The following OSCP1 variants were observed in gnomAD, a reference collection of about 807,000 sequenced individuals.
OSCP1 encodes the protein protein OSCP1.
OSCP1 carries 35 observed loss-of-function variants against 45.1 expected under a neutral mutation model. The ratio of observed to expected loss-of-function variants is 0.78; its 90% CI spans 0.59 to 1.03. The LOEUF (loss-of-function observed/expected upper bound fraction) is 1.03, where lower values mean the gene tolerates loss of function less well. Among genes scored for constraint, OSCP1 ranks in the 50% least tolerant of loss-of-function variants. OSCP1 has a pLI of 0.00. For synonymous variants in OSCP1, 179 were observed against 180.1 expected (o/e 0.99, Z 0.05); for missense variants, 400 against 470.7 (o/e 0.85, Z 1.39).
At chr1:36,418,679 G>A in intron 9 of OSCP1, 1 of 348,300 alleles carries the variant, frequency 2.9e-6, no homozygotes. Flanking sequence ...CACTTTGGGA[G>A]GCCAAGGCGG....
intron 5 of OSCP1, among the ~76,000 whole-genome samples, chr1:36,423,102 C>G (rs889498278): frequency 3.3e-5 from 5 of 152,050 alleles, no homozygotes; most frequent in South Asian, 2.1e-4. Context: ...CACGTTAGAG[C>G]ACTATTATCT....
chr1:36,424,396 A>T (rs1647841101), intron 4 of OSCP1, among the ~76,000 whole-genome samples: 2 of 152,306 alleles, frequency 1.3e-5, no homozygotes, highest in African/African-American at 4.8e-5. Flanking sequence ...GTGACTCCAA[A>T]TTCCACCCGT....
chr1:36,432,672 A>G, intron 2 of OSCP1, 83 bp from the exon 3 acceptor site: 13 of 1,555,336 alleles, frequency 8.4e-6, no homozygotes, highest in Non-Finnish European at 1.2e-5. Flanking sequence ...TCAGTCAAGC[A>G]TTTACTGAAA....
intron 8 of OSCP1, 97 bp downstream of exon 8, chr1:36,420,379 A>G: frequency 7.2e-7 from 1 of 1,387,652 alleles, no homozygotes; most frequent in East Asian, 2.3e-5. Context: ...TATTTACACA[A>G]ATATTTATAA....
chr1:36,423,952 AT>A (rs58118366), intron 4 of OSCP1, among the ~76,000 whole-genome samples: 35,439 of 149,114 alleles, frequency 0.24, 5,116 homozygotes, highest in Admixed American at 0.36. Context: ...AAACAGAACT[AT>A]TTTTTTTTTT....
intron 2 of OSCP1, among the ~76,000 whole-genome samples, chr1:36,433,545 C>T (rs534193493): frequency 2.8e-4 from 43 of 152,176 alleles, no homozygotes; most frequent in Admixed American, 1.9e-3. Context: ...CTATTGGGTA[C>T]TATGCTGACT....
At position 36,431,858 on chromosome 1, in the gene OSCP1, C is replaced by A; in HGVS notation, c.460G>T (p.Glu154Ter). ...TEIYGGLSAG[E>*]FQLIRQTLLI... ...AGTGTCTGCCGGATCAGCTGGAACT[C>A]CCCTGCAGAGAGACCACCATATATC... is the stretch of plus-strand genomic sequence containing the variant. Residue 154 changes from glutamate (E) to a stop codon, truncating the protein, a stop_gained, in exon 4 of 10, where the codon GAG (glutamate) becomes TAG (stop). Transcript: ENST00000235532. LOFTEE classifies it high-confidence loss of function. 2 of 1,613,348 alleles carry A rather than the reference C, an allele frequency of 1.2e-6. No individual in the cohort carries two copies. Among genetic ancestry groups the A allele is most frequent in the Non-Finnish European group, 1.7e-6 (2 of 1,179,988 alleles).
intron 4 of OSCP1, 68 bp from the exon 5 acceptor site, chr1:36,423,534 G>T: frequency 7.9e-7 from 1 of 1,265,396 alleles, no homozygotes; most frequent in Non-Finnish European, 1.1e-6. Flanking sequence ...TTCTGAGGGT[G>T]GAAAGTGCGT....
chr1:36,427,737 A>G (rs1403999106), intron 4 of OSCP1, among the ~76,000 whole-genome samples: 1 of 152,230 alleles, frequency 6.6e-6, no homozygotes, highest in Non-Finnish European at 1.5e-5. Context: ...ACAATATGAT[A>G]CAGAATTTTT....
intron 1 of OSCP1, among the ~76,000 whole-genome samples, chr1:36,442,835 A>G (rs1189881838): frequency 1.3e-5 from 2 of 152,102 alleles, no homozygotes; most frequent in Non-Finnish European, 2.9e-5. Flanking sequence ...ATCGTTTTAT[A>G]TTATCCTCAT....
intron 8 of OSCP1, chr1:36,419,383 C>A (rs995895383): frequency 5.7e-6 from 2 of 351,632 alleles, no homozygotes; most frequent in African/African-American, 4.2e-5. Flanking sequence ...ATTCATGACA[C>A]AGCACTGAAA....
intron 1 of OSCP1, among the ~76,000 whole-genome samples, chr1:36,444,474 T>A (rs970658332): frequency 6.6e-6 from 1 of 152,178 alleles, no homozygotes; most frequent in African/African-American, 2.4e-5. Flanking sequence ...TTCTTTTCTT[T>A]TTTTTTTATT....
chr1:36,438,349 G>A (rs954916551), intron 2 of OSCP1, among the ~76,000 whole-genome samples: 6 of 144,968 alleles, frequency 4.1e-5, no homozygotes, highest in Middle Eastern at 3.8e-3. Flanking sequence ...AAATTAGCCA[G>A]TGTGATGGCA....
intron 1 of OSCP1, among the ~76,000 whole-genome samples, chr1:36,448,619 C>G (rs1020279375): frequency 2.6e-5 from 4 of 152,200 alleles, no homozygotes; most frequent in Admixed American, 6.5e-5. Context: ...AGAGCATGCA[C>G]AGGCCCTTTC....
At position 36,431,855 on chromosome 1, in the gene OSCP1, ACTCCC is replaced by A; in HGVS notation, c.458_462del (p.Gly153ValfsTer30). The A allele has an allele frequency of 1.2e-6, 2 of 1,612,794 alleles. No individual in the cohort carries two copies. The highest frequency in any genetic ancestry group is 1.7e-6 in the Non-Finnish European group (2 of 1,179,882). On this transcript the variant is annotated frameshift_variant, in exon 4 of 10. Transcript: ENST00000235532. LOFTEE classifies it high-confidence loss of function. ...AGGAGTGTCTGCCGGATCAGCTGGA[ACTCCC>A]CTGCAGAGAGACCACCATATATCTG...
Position 36,447,964 on chromosome 1 carries a change from G to A in OSCP1, c.112+2294C>T, listed in dbSNP as rs1649646266. The A allele has an allele frequency of 9.2e-6, 4 of 434,996 alleles. No individual in the cohort carries two copies. The highest frequency in any genetic ancestry group is 5.0e-5 in the Admixed American group (2 of 40,312). 26.9% of individuals were successfully genotyped at this position (434,996 alleles called of 1,614,324 possible). ...CCCAAAACCATATTTAGCAAAAGCA[G>A]AAAAAAGGCTATAACTCCTAAAGGT... is the stretch of plus-strand genomic sequence containing the variant. On this transcript the variant is annotated intron_variant, in intron 1 of 9. Transcript: ENST00000235532. This position sits in a 1 kb window ranked among gnomAD's most constrained non-coding sequence, Gnocchi z 4.1.
chr1:36,423,292 A>C, intron 5 of OSCP1, 71 bp downstream of exon 5: 1 of 1,231,592 alleles, frequency 8.1e-7, no homozygotes. Flanking sequence ...GCAGTGCGGC[A>C]TTCCGTGTGC....
At position 36,444,876 on chromosome 1, in the gene OSCP1, C is replaced by G. The variant is rs1396676970; in HGVS notation, c.112+5382G>C. Among the ~76,000 whole-genome samples, 3 of 152,164 alleles carry G rather than the reference C, an allele frequency of 2.0e-5. No homozygotes were observed. The East Asian group carries it at 5.8e-4, about 29-fold the overall frequency. ...TTACAGGCCTATTGTGGGGATAAAG[C>G]ATAACACACATCAAATACTTAGCTG... On this transcript the variant is annotated intron_variant, in intron 1 of 9. Transcript: ENST00000235532.
chr1:36,438,186 G>A (rs755264649), intron 2 of OSCP1, among the ~76,000 whole-genome samples: 7 of 152,110 alleles, frequency 4.6e-5, no homozygotes, highest in Non-Finnish European at 8.8e-5. Flanking sequence ...GCATGGTGGC[G>A]CATGCCTGTA....
Sources: gnomAD v4.1 joint callset for allele counts (sites outside exome capture counted in the v4.1 genomes callset) on GRCh38, gnomAD v4.1.1 for gene constraint, Gnocchi (gnomAD v3.1) non-coding constraint, MANE v1.5 for transcripts, NCBI Gene and HGNC (gene_info 2026-07-23, HGNC 2026-07-21) for gene names.